VAV2: variants seen among roughly 807,000 people sequenced by gnomAD.
VAV2 encodes guanine nucleotide exchange factor VAV2.
VAV2 carries 67 observed loss-of-function variants against 132.5 expected under a neutral mutation model. The ratio of observed to expected loss-of-function variants is 0.51; its 90% CI spans 0.42 to 0.62. The LOEUF (loss-of-function observed/expected upper bound fraction) is 0.62. Among genes scored for constraint, VAV2 ranks in the 20% least tolerant of loss-of-function variants. The pLI is 0.00. For synonymous variants in VAV2, 492 were observed against 443.5 expected, an observed-to-expected ratio of 1.11 and a Z score of -1.37; for missense variants, 938 against 1,153.6, an observed-to-expected ratio of 0.81 and a Z score of 2.71.
chr9:133,784,458 A>T (rs1197386405), intron 17 of VAV2, 40 bp from the exon 18 acceptor site: 11 of 1,608,470 alleles, frequency 6.8e-6, no homozygotes, highest in African/African-American at 4.0e-5. Flanking sequence ...CACCCACTGG[A>T]TTCCCCGAGC....
intron 9 of VAV2, among the ~76,000 whole-genome samples, chr9:133,798,348 C>T (rs1207793284): frequency 6.6e-6 from 1 of 152,214 alleles, no homozygotes; most frequent in Non-Finnish European, 1.5e-5. Flanking sequence ...ACAGCCCCGT[C>T]TTCAGGGATG....
chr9:133,976,433 G>A (rs2132274505), intron 1 of VAV2, among the ~76,000 whole-genome samples: 1 of 152,320 alleles, frequency 6.6e-6, no homozygotes, highest in Non-Finnish European at 1.5e-5. Context: ...GATGGAGGAG[G>A]AGACAGTGAG....
chr9:133,921,575 G>C (rs112657871), intron 2 of VAV2, among the ~76,000 whole-genome samples: 1 of 152,186 alleles, frequency 6.6e-6, no homozygotes, highest in African/African-American at 2.4e-5. Flanking sequence ...CTCCCTGCAG[G>C]CTGGGGAAAG....
chr9:133,864,159 G>A (rs1290450322), intron 2 of VAV2, among the ~76,000 whole-genome samples: 2 of 152,184 alleles, frequency 1.3e-5, no homozygotes, highest in South Asian at 4.1e-4. Flanking sequence ...GTTAACAAAC[G>A]AATGAAGACG....
chr9:133,846,364 G>A (rs181459388), intron 3 of VAV2, among the ~76,000 whole-genome samples: 5 of 152,252 alleles, frequency 3.3e-5, no homozygotes, highest in East Asian at 3.9e-4. Context: ...CTGCTATCCC[G>A]ACCCACAACC....
intron 4 of VAV2, among the ~76,000 whole-genome samples, chr9:133,816,410 T>G (rs1835560455): frequency 1.3e-5 from 2 of 152,254 alleles, no homozygotes; most frequent in Admixed American, 1.3e-4. Context: ...ATCTTTGCTG[T>G]CTTTCAATCA....
At chr9:133,773,675 T>C (rs1382207639) in intron 25 of VAV2, among the ~76,000 whole-genome samples, 3 of 152,164 alleles carry the variant, frequency 2.0e-5, no homozygotes, top group Non-Finnish European at 4.4e-5. Context: ...TTTTTACTCC[T>C]AAGACAACAA....
rs1833503161 is a variant in VAV2 at position 133,768,345 on chromosome 9, G to A, written c.2589+97C>T. On this transcript the variant is annotated intron_variant, in intron 29 of 29. Transcript: ENST00000371850. The surrounding 1 kb of genome is among the most constrained non-coding windows in gnomAD (Gnocchi z 5.3). ...GCAGAGGGTGTCTGGAACAGGGCCT[G>A]GGGTGTGGACATAGGTGTGGTGCTA... 1 of 1,495,236 alleles carries A rather than the reference G, an allele frequency of 6.7e-7. No homozygotes were observed. The highest frequency in any genetic ancestry group is 9.0e-7 in the Non-Finnish European group (1 of 1,112,518). The allele number at this position is 1,495,236 out of a possible 1,614,324, so 92.6% of individuals were successfully genotyped here. A position where few individuals can be genotyped will look rare whatever the true frequency, so the allele number is the denominator to read the frequency against.
intron 1 of VAV2, among the ~76,000 whole-genome samples, chr9:133,982,118 C>T (rs973815971): frequency 2.0e-5 from 3 of 152,190 alleles, no homozygotes; most frequent in African/African-American, 7.2e-5. Context: ...CCAGGACAGG[C>T]CTCTAAGCAG....
At chr9:133,973,897 GCAGAA>G (rs150760277) in intron 1 of VAV2, among the ~76,000 whole-genome samples, 14,954 of 152,218 alleles carry the variant, frequency 0.098, 873 homozygotes, top group Non-Finnish European at 0.14. Flanking sequence ...GAACCTCGGG[GCAGAA>G]AAACAACATG....
chr9:133,851,621 G>A (rs140817759), intron 3 of VAV2, among the ~76,000 whole-genome samples: 96 of 152,328 alleles, frequency 6.3e-4, no homozygotes, highest in East Asian at 2.5e-3. Context: ...GACCAATCGC[G>A]TTATATTCAT....
chr9:133,789,078 G>A (rs984677803), intron 14 of VAV2, among the ~76,000 whole-genome samples, 180 bp downstream of exon 14: 4 of 152,220 alleles, frequency 2.6e-5, no homozygotes, highest in Non-Finnish European at 4.4e-5. Flanking sequence ...CCACTGCTGT[G>A]GCGCCCGCTC....
At chr9:133,841,151 G>T (rs1246769133) in intron 3 of VAV2, among the ~76,000 whole-genome samples, 1 of 152,102 alleles carries the variant, frequency 6.6e-6, no homozygotes, top group African/African-American at 2.4e-5. Context: ...GACAGCTCAC[G>T]CCTTACTGTG....
chr9:133,975,653 C>T (rs1297424292), intron 1 of VAV2, among the ~76,000 whole-genome samples: 3 of 152,220 alleles, frequency 2.0e-5, no homozygotes, highest in African/African-American at 7.2e-5. Flanking sequence ...GAGCCCCCAG[C>T]CTGCCTGGCA....
At chr9:133,801,299 C>A (rs1429892877) in intron 9 of VAV2, among the ~76,000 whole-genome samples, 1 of 152,238 alleles carries the variant, frequency 6.6e-6, no homozygotes, top group Non-Finnish European at 1.5e-5. Context: ...GGCTTCACAC[C>A]CGGGCTCACT....
intron 3 of VAV2, among the ~76,000 whole-genome samples, chr9:133,859,620 T>TA (rs904297185): frequency 8.1e-4 from 120 of 148,000 alleles, no homozygotes; most frequent in African/African-American, 1.9e-3. Flanking sequence ...GCCTAATATG[T>TA]AAAAAAAACA....
In VAV2 at chr9:133,770,266, C is replaced by T. The variant is rs537917257; in HGVS notation, c.2347+112G>A. 3.5e-5 allele frequency: 54 copies of T among 1,521,348 alleles called. No individual in the cohort carries two copies. In the African/African-American group the frequency reaches 3.8e-4, roughly 11 times the overall value. The allele number at this position is 1,521,348 out of a possible 1,614,324, so 94.2% of individuals were successfully genotyped here. On this transcript the variant is annotated intron_variant, in intron 27 of 29. Coordinates refer to ENST00000371850, the MANE Select transcript of VAV2 (RefSeq NM_001134398.2). ...GGGGAGGGGCGGGGGCTGTGTTCCC[C>T]AGGGTGGGACTCCTGGTCTGGGTCT...
Position 133,794,368 on chromosome 9 carries a change from G to C in VAV2, c.1101+1300C>G, listed in dbSNP as rs1834621373. Among the ~76,000 whole-genome samples, 1 of 152,122 alleles carries C rather than the reference G, an allele frequency of 6.6e-6. No individual in the cohort carries two copies. The highest frequency in any genetic ancestry group is 1.5e-5 in the Non-Finnish European group (1 of 68,016). On this transcript the variant is annotated intron_variant, in intron 12 of 29. Transcript: ENST00000371850. The surrounding 1 kb of genome is among the most constrained non-coding windows in gnomAD (Gnocchi z 4.6). ...CAGTGCAGCCGAGCGGGAATCTGAA[G>C]GTCTCTGGGACCACCTCCCGTGCCC... is the stretch of plus-strand genomic sequence containing the variant.
chr9:133,855,844 T>C (rs906166363), intron 3 of VAV2, among the ~76,000 whole-genome samples: 1 of 152,152 alleles, frequency 6.6e-6, no homozygotes, highest in East Asian at 1.9e-4. Context: ...CTGACCCCTG[T>C]CCCCTGCCTT....
Sources: allele counts gnomAD v4.1 joint callset (sites outside exome capture counted in the v4.1 genomes callset), GRCh38; gene constraint gnomAD v4.1.1; non-coding constraint Gnocchi (gnomAD v3.1); transcripts MANE v1.5; gene names NCBI Gene and HGNC (gene_info 2026-07-23, HGNC 2026-07-21).